HUWE1: variants seen among roughly 807,000 people sequenced by gnomAD.
HUWE1 encodes E3 ubiquitin-protein ligase HUWE1.
HUWE1 carries 18 observed loss-of-function variants against 299.4 expected under a neutral mutation model. The ratio of observed to expected loss-of-function variants is 0.06; its 90% confidence interval spans 0.04 to 0.09. The LOEUF (loss-of-function observed/expected upper bound fraction) is 0.09. Among genes scored for constraint, HUWE1 ranks in the 10% least tolerant of loss-of-function variants. The probability of loss-of-function intolerance (pLI) is 1.00; values close to 1 mark genes in which losing one functional copy is unlikely to be tolerated. For synonymous variants in HUWE1, 1,317 were observed against 1,286.1 expected (o/e 1.02, Z -0.51); for missense variants, 1,832 against 3,462.3 (o/e 0.53, Z 11.82).
intron 30 of HUWE1, 132 bp from the exon 31 acceptor site, chrX:53,594,753 G>C: frequency 8.1e-6 from 5 of 619,768 alleles, no homozygotes; most frequent in Non-Finnish European, 1.3e-5. Context: ...AAGAATACAG[G>C]ATGAGTATCC....
chrX:53,566,131 G>GTGTGTGTGTGTA (rs2062539447), intron 49 of HUWE1, among the ~76,000 whole-genome samples: 1 of 55,499 alleles, frequency 1.8e-5, no homozygotes, highest in Non-Finnish European at 3.2e-5. Context: ...GTGTGTGTGT[G>GTGTGTGTGTGTA]TGTATATATA....
intron 43 of HUWE1, among the ~76,000 whole-genome samples, chrX:53,579,225 C>T (rs1468238960): frequency 1.0e-4 from 8 of 77,183 alleles, no homozygotes; most frequent in Admixed American, 5.3e-4. Flanking sequence ...CCCGGCCAGC[C>T]GCCCTATCCA....
chrX:53,620,581 A>G (rs1557011520), intron 19 of HUWE1, among the ~76,000 whole-genome samples: 1 of 111,847 alleles, frequency 8.9e-6, no homozygotes, highest in Non-Finnish European at 1.9e-5. Flanking sequence ...CAGGCCTAAT[A>G]GAGGCATAAT....
intron 12 of HUWE1, among the ~76,000 whole-genome samples, chrX:53,630,180 G>A (rs782345438): frequency 3.6e-5 from 4 of 111,949 alleles, no homozygotes; most frequent in African/African-American, 1.3e-4. Context: ...AAGATTTCCT[G>A]AGCACCCACT....
intron 20 of HUWE1, 78 bp from the exon 21 acceptor site, chrX:53,617,225 CTGA>C: frequency 9.6e-7 from 1 of 1,040,869 alleles, no homozygotes; most frequent in Non-Finnish European, 1.3e-6. Context: ...GGGTATCAAG[CTGA>C]GATAGAAGGA....
At position 53,602,577 on chromosome X, in the gene HUWE1, G is replaced by A. The variant is rs1052786140; in HGVS notation, c.2958C>T (p.Gly986=). The A allele has an allele frequency of 3.4e-6, 4 of 1,169,054 alleles. No homozygotes were observed. Among genetic ancestry groups the A allele is most frequent in the Non-Finnish European group, 2.3e-6 (2 of 858,093 alleles). Residue 986 remains glycine (G), a synonymous_variant, in exon 28 of 84, where the codon GGC becomes GGT. Coordinates refer to ENST00000262854, the MANE Select transcript of HUWE1 (RefSeq NM_031407.7). ...PKDEKAGTTQ[G]GKRSDGEQDG... is the part of the protein sequence containing the mutation. ...TCTTAGAGTTACCTGATCTTTTTCC[G>A]CCCTGGGTCGTACCTGCCTTCTCAT...
chrX:53,663,828 A>C (rs1443335155), intron 3 of HUWE1, among the ~76,000 whole-genome samples: 1 of 109,038 alleles, frequency 9.2e-6, no homozygotes, highest in Admixed American at 9.8e-5. Context: ...TGTACTCTGT[A>C]CCTATCACTT....
chrX:53,650,623 T>C (rs1462166620), intron 4 of HUWE1, among the ~76,000 whole-genome samples: 5 of 112,277 alleles, frequency 4.5e-5, no homozygotes, highest in Non-Finnish European at 7.5e-5. Flanking sequence ...TCAATAACAA[T>C]TGCCAGGGTT....
In HUWE1 at chrX:53,575,246, C is replaced by G. The variant is rs1556957403; in HGVS notation, c.6031-25G>C. On this transcript the variant is annotated intron_variant, in intron 45 of 83. Coordinates refer to ENST00000262854, the MANE Select transcript of HUWE1 (RefSeq NM_031407.7). Reference sequence around the variant, plus strand: ...TCTGAAGAAGAAGAAAACTCCTGAGCTATTATGAATTTCAAAAGCACCCGT... The same window carrying G: ...TCTGAAGAAGAAGAAAACTCCTGAGGTATTATGAATTTCAAAAGCACCCGT... The G allele has an allele frequency of 4.4e-6, 5 of 1,142,090 alleles. No individual in the cohort carries two copies. In the South Asian group the frequency reaches 9.3e-5, roughly 21 times the overall value. 94.1% of individuals were successfully genotyped at this position (1,142,090 alleles called of 1,213,427 possible). A position where few individuals can be genotyped will look rare whatever the true frequency, so the allele number is the denominator to read the frequency against.
At chrX:53,533,687 C>G in intron 83 of HUWE1, 2 of 438,339 alleles carry the variant, frequency 4.6e-6, no homozygotes, top group Non-Finnish European at 8.0e-6. Flanking sequence ...AGGTGGTTTT[C>G]AGAGTCACTG....
At chrX:53,562,697 T>C (rs2062352792) in intron 53 of HUWE1, 134 bp downstream of exon 53, 1 of 532,691 alleles carries the variant, frequency 1.9e-6, no homozygotes, top group Non-Finnish European at 3.3e-6. Flanking sequence ...AAGTGGATGG[T>C]GTATGTCAGC....
intron 3 of HUWE1, among the ~76,000 whole-genome samples, chrX:53,659,981 C>CA (rs1399614384): frequency 8.9e-6 from 1 of 112,348 alleles, no homozygotes; most frequent in East Asian, 2.8e-4. Flanking sequence ...AATCTTCAAA[C>CA]AAATAAGCAA....
At chrX:53,578,586 G>T (rs1438009095) in intron 43 of HUWE1, among the ~76,000 whole-genome samples, 2 of 91,595 alleles carry the variant, frequency 2.2e-5, no homozygotes, top group African/African-American at 8.4e-5. Context: ...GGGAGGGGGG[G>T]TCAGCCCCCT....
chrX:53,684,882 A>C (rs2070383529), intron 2 of HUWE1, among the ~76,000 whole-genome samples: 1 of 112,320 alleles, frequency 8.9e-6, no homozygotes, highest in South Asian at 3.6e-4. Context: ...CAAAGCCACC[A>C]ATTTTAACTA....
At chrX:53,586,155 T>C (rs1262886554) in intron 39 of HUWE1, among the ~76,000 whole-genome samples, 1 of 112,351 alleles carries the variant, frequency 8.9e-6, no homozygotes, top group Non-Finnish European at 1.9e-5. Flanking sequence ...ACCTGAGATG[T>C]ACTGAAACAA....
In HUWE1 at chrX:53,548,036, T is replaced by C; in HGVS notation, c.10273A>G (p.Ser3425Gly). 1 of 1,211,012 alleles carries C rather than the reference T, an allele frequency of 8.3e-7. No homozygotes were observed. Among genetic ancestry groups the C allele is most frequent in the Non-Finnish European group, 1.1e-6 (1 of 895,113 alleles). ...TGCCCCAGTGGAGAGGCCTCGAGGCTGTATGGAGAGGTTTCCCCCTCACCG... is the reference window on the plus strand; with the variant it reads ...TGCCCCAGTGGAGAGGCCTCGAGGCCGTATGGAGAGGTTTCCCCCTCACCG... Reference protein sequence around the residue: ...AGGEGETSPYSLEASPLGQLM... With the variant: ...AGGEGETSPYGLEASPLGQLM... Residue 3425 changes from serine (S) to glycine (G), a missense_variant, in exon 68 of 84, where the codon AGC (serine) becomes GGC (glycine). By Grantham distance (56) the Ser-to-Gly change is moderately conservative (BLOSUM62 0). This residue lies in a region of HUWE1 where 119 missense variants were observed against 124.6 expected (regional missense o/e 0.96). Transcript: ENST00000262854.
chrX:53,682,873 G>A (rs1200028412), intron 2 of HUWE1, among the ~76,000 whole-genome samples: 2 of 111,408 alleles, frequency 1.8e-5, no homozygotes, highest in East Asian at 2.8e-4. Flanking sequence ...GGAGGAATGA[G>A]GAAGGCAAGG....
In HUWE1 at chrX:53,591,260, A is replaced by G; in HGVS notation, c.3973-138T>C. On this transcript the variant is annotated intron_variant, in intron 33 of 83. Coordinates refer to ENST00000262854, the MANE Select transcript of HUWE1 (RefSeq NM_031407.7). The stretch of plus-strand genomic sequence containing the variant: ...AGAGCATTTATGAGCTAGGGCAATT[A>G]GGTAAAATGAACAATCCTTTCTGTT... 4 of 664,141 alleles carry G rather than the reference A, an allele frequency of 6.0e-6. No individual in the cohort carries two copies. In the Middle Eastern group the frequency reaches 1.4e-3, roughly 240 times the overall value. 54.7% of individuals were successfully genotyped at this position (664,141 alleles called of 1,213,427 possible). A position where few individuals can be genotyped will look rare whatever the true frequency, so the allele number is the denominator to read the frequency against.
At chrX:53,611,188 T>TAAAAAAA in intron 23 of HUWE1, among the ~76,000 whole-genome samples, 1 of 60,795 alleles carries the variant, frequency 1.6e-5, no homozygotes, top group Middle Eastern at 0.011. Flanking sequence ...GCTGATTTTG[T>TAAAAAAA]AAAAAAAAAA....
Sources: gnomAD v4.1 joint callset for allele counts (sites outside exome capture counted in the v4.1 genomes callset) on GRCh38, gnomAD v4.1.1 for gene constraint, gnomAD v4.1.1 regional missense constraint, MANE v1.5 for transcripts, NCBI Gene and HGNC (gene_info 2026-07-23, HGNC 2026-07-21) for gene names.